CALR3: variants seen among roughly 807,000 people sequenced by gnomAD.
CALR3 encodes the protein calreticulin 3, also known as calreticulin-3.
In CALR3, 39 loss-of-function variants were observed where a neutral mutation model predicts 48.7. The observed-to-expected ratio is 0.80, with a 90% CI of 0.62 to 1.05. CALR3 has a LOEUF of 1.05. CALR3 is among the 50% of genes least tolerant of loss of function. The pLI, the probability that CALR3 is intolerant of heterozygous loss-of-function variation, is 0.00. For synonymous variants in CALR3, 185 were observed against 172.7 expected (o/e 1.07, Z -0.56); for missense variants, 449 against 474.7 (o/e 0.95, Z 0.50).
intron 5 of CALR3, 48 bp downstream of exon 5, chr19:16,483,882 C>G (rs2093384632): frequency 2.5e-6 from 4 of 1,590,374 alleles, no homozygotes; most frequent in Non-Finnish European, 2.6e-6. Context: ...TGGGTACTTA[C>G]AAACTACATT....
intron 2 of CALR3, 38 bp downstream of exon 2, chr19:16,495,713 T>C: frequency 6.6e-7 from 1 of 1,506,690 alleles, no homozygotes; most frequent in Non-Finnish European, 9.2e-7. Context: ...TATGGAAATG[T>C]AACATTAGGC....
At position 16,484,058 on chromosome 19, in the gene CALR3, C is replaced by T. The variant is rs1365581053; in HGVS notation, c.550G>A (p.Val184Met). The T allele has an allele frequency of 1.2e-6, 2 of 1,613,900 alleles. No homozygotes were observed. Among genetic ancestry groups the T allele is most frequent in the East Asian group, 2.2e-5 (1 of 44,900 alleles). Residue 184 changes from valine (V) to methionine (M), a missense_variant, in exon 5 of 9, where the codon GTG becomes ATG. Physicochemically the swap from Val to Met is conservative, Grantham distance 21 (BLOSUM62 1). Coordinates refer to ENST00000269881, the MANE Select transcript of CALR3 (RefSeq NM_145046.5). ...TCAATTGACTGACCATCAATTTTCACATCATAAGAAAGATCTGGTCTTAAA... is the reference window on the plus strand; with the variant it reads ...TCAATTGACTGACCATCAATTTTCATATCATAAGAAAGATCTGGTCTTAAA... ...LILRPDLSYD[V>M]KIDGQSIESG...
intron 3 of CALR3, 85 bp downstream of exon 3, chr19:16,490,282 A>C (rs2122142380): frequency 8.2e-7 from 1 of 1,217,926 alleles, no homozygotes; most frequent in African/African-American, 1.5e-5. Flanking sequence ...TCACTACATT[A>C]GCAAAGTCTT....
chr19:16,494,285 C>A (rs1007729425), intron 2 of CALR3, among the ~76,000 whole-genome samples: 1 of 152,168 alleles, frequency 6.6e-6, no homozygotes, highest in African/African-American at 2.4e-5. Context: ...TGGTCTCAAA[C>A]TCCTGACTTC....
intron 3 of CALR3, among the ~76,000 whole-genome samples, chr19:16,488,663 C>T (rs540718817): frequency 1.2e-3 from 187 of 152,250 alleles, no homozygotes; most frequent in African/African-American, 4.4e-3. Flanking sequence ...CCACCTTGGC[C>T]TCCCAAAATG....
intron 7 of CALR3, among the ~76,000 whole-genome samples, chr19:16,481,969 C>T (rs2093381512): frequency 6.8e-6 from 1 of 147,310 alleles, no homozygotes; most frequent in African/African-American, 2.5e-5. Flanking sequence ...TGCAGTGGCC[C>T]GATCTCAGCT....
intron 3 of CALR3, among the ~76,000 whole-genome samples, chr19:16,488,336 G>A (rs1236776498): frequency 6.6e-6 from 1 of 152,142 alleles, no homozygotes; most frequent in Admixed American, 6.6e-5. Context: ...CTCCTGCCTG[G>A]CCTCCCAAAA....
chr19:16,486,619 CAAAA>C (rs59111886), intron 3 of CALR3, among the ~76,000 whole-genome samples: 20 of 123,694 alleles, frequency 1.6e-4, no homozygotes, highest in Admixed American at 8.5e-5. Context: ...GATTCTATCT[CAAAA>C]AAAAAAAAAA....
chr19:16,482,052 G>A (rs1318013862), intron 7 of CALR3, among the ~76,000 whole-genome samples: 14 of 151,550 alleles, frequency 9.2e-5, no homozygotes, highest in South Asian at 2.1e-4. Context: ...GACTACAGGC[G>A]CCCGCCACCA....
In CALR3 at chr19:16,485,276, G is replaced by A. The variant is rs754090665; in HGVS notation, c.398-19C>T. ...TCGGGTCCTACAAAAAAGATTAGCT[G>A]CTCTCAATTTCTTTCCATAATGCAT... On this transcript the variant is annotated intron_variant, in intron 3 of 8. Transcript: ENST00000269881. 1.3e-6 allele frequency: 2 copies of A among 1,505,568 alleles called. No individual in the cohort carries two copies. The highest frequency in any genetic ancestry group is 1.7e-5 in the Admixed American group (1 of 59,548). 93.3% of individuals were successfully genotyped at this position (1,505,568 alleles called of 1,614,324 possible).
rs1599715945 is a variant in CALR3 at position 16,479,559 on chromosome 19, T to C, written c.1012-285A>G. Among the ~76,000 whole-genome samples, 7 of 139,658 alleles carry C rather than the reference T, an allele frequency of 5.0e-5. No homozygotes were observed. In the Admixed American group the frequency reaches 5.0e-4, roughly 10 times the overall value. 91.6% of individuals were successfully genotyped at this position (139,658 alleles called of 152,430 possible). A position where few individuals can be genotyped will look rare whatever the true frequency, so the allele number is the denominator to read the frequency against. On this transcript the variant is annotated intron_variant, in intron 8 of 8. Transcript: ENST00000269881. The stretch of plus-strand genomic sequence containing the variant: ...GCTGAGATCACTCTACTGCACTCCA[T>C]CCTGGGCGACAGAGCAAGACTCTGT...
chr19:16,483,990 C>T lies in CALR3; in HGVS notation c.618G>A (p.Lys206=). The T allele has an allele frequency of 6.2e-7, 1 of 1,614,014 alleles. No homozygotes were observed. The highest frequency in any genetic ancestry group is 8.5e-7 in the Non-Finnish European group (1 of 1,180,020). ...IEYDWNLTSL[K]KETSPAESKD... ...TCGATTCTGCCGGGGACGTTTCCTT[C>T]TTGAGTGATGTTAAGTTCCAGTCGT... Residue 206 remains lysine, a synonymous_variant, in exon 5 of 9, where the codon AAG becomes AAA. Transcript: ENST00000269881.
chr19:16,489,405 G>A (rs915111678), intron 3 of CALR3, among the ~76,000 whole-genome samples: 11 of 152,164 alleles, frequency 7.2e-5, no homozygotes, highest in Non-Finnish European at 7.4e-5. Context: ...GATCACCTGA[G>A]ATCGGGAGTT....
rs555171601 is a variant in CALR3 at position 16,493,078 on chromosome 19, C to G, written c.194-2508G>C. On this transcript the variant is annotated intron_variant, in intron 2 of 8. Transcript: ENST00000269881. ...AAAAACCTTGAGCAAGTTGTGTGATCTGAGTCATGCAGCATGCAGGTGTAA... is the reference window on the plus strand; with the variant it reads ...AAAAACCTTGAGCAAGTTGTGTGATGTGAGTCATGCAGCATGCAGGTGTAA... Among the ~76,000 whole-genome samples, 3 of 152,236 alleles carry G rather than the reference C, an allele frequency of 2.0e-5. No individual in the cohort carries two copies. The South Asian group carries it at 6.2e-4, about 32-fold the overall frequency.
At chr19:16,492,470 C>T (rs1326595464) in intron 2 of CALR3, among the ~76,000 whole-genome samples, 1 of 151,562 alleles carries the variant, frequency 6.6e-6, no homozygotes, top group African/African-American at 2.4e-5. Flanking sequence ...GTGGCTCACG[C>T]CTGTAATTCC....
At position 16,482,715 on chromosome 19, in the gene CALR3, T is replaced by G; in HGVS notation, c.749A>C (p.Asp250Ala). Residue 250 changes from aspartate (D) to alanine (A), a missense_variant, in exon 6 of 9, where the codon GAC becomes GCC. Physicochemically the swap from Asp to Ala is moderately radical, Grantham distance 126. Transcript: ENST00000269881. ...CTTCTGGAGCATCGGCGCTGGCCAGTCCCCATCCAGGTCACCGTTCCAGTC... is the reference window on the plus strand; with the variant it reads ...CTTCTGGAGCATCGGCGCTGGCCAGGCCCCATCCAGGTCACCGTTCCAGTC... The part of the protein sequence containing the change: ...QSDWNGDLDG[D>A]WPAPMLQKPP... 10 of 1,614,030 alleles carry G rather than the reference T, an allele frequency of 6.2e-6. No individual in the cohort carries two copies. Among genetic ancestry groups the G allele is most frequent in the Non-Finnish European group, 8.5e-6 (10 of 1,179,968 alleles).
At chr19:16,491,706 G>A (rs1353861417) in intron 2 of CALR3, among the ~76,000 whole-genome samples, 4 of 151,244 alleles carry the variant, frequency 2.6e-5, no homozygotes, top group Non-Finnish European at 2.9e-5. Flanking sequence ...AAACCCAGGA[G>A]GCGGAGGTTG....
At chr19:16,490,638 C>G (rs183307078) in intron 2 of CALR3, 68 bp from the exon 3 acceptor site, 1 of 1,345,740 alleles carries the variant, frequency 7.4e-7, no homozygotes. Context: ...GAAGTTAAAT[C>G]GATGTCCTTC....
Position 16,479,204 on chromosome 19 carries a change from T to G in CALR3, c.1082A>C (p.Glu361Ala). The stretch of plus-strand genomic sequence containing the variant: ...GTTAATTTTTCCCGACAGCAGCTCT[T>G]CCTCCTCTTCCTCGCGGGCCTTCTT... ...EMKKAREEEE[E>A]ELLSGKINRH... is the part of the protein sequence containing the mutation. The change falls in exon 9 of 9, where the codon GAA (glutamate) becomes GCA (alanine). Residue 361 changes from glutamate (E) to alanine (A), a missense_variant. Physicochemically the swap from Glu to Ala is moderately radical, Grantham distance 107. Transcript: ENST00000269881. 1 of 1,614,118 alleles carries G rather than the reference T, an allele frequency of 6.2e-7. No individual in the cohort carries two copies. The highest frequency in any genetic ancestry group is 8.5e-7 in the Non-Finnish European group (1 of 1,180,016).
Sources: allele counts gnomAD v4.1 joint callset (sites outside exome capture counted in the v4.1 genomes callset), GRCh38; gene constraint gnomAD v4.1.1; transcripts MANE v1.5; gene names NCBI Gene and HGNC (gene_info 2026-07-23, HGNC 2026-07-21).